The following MARS1 variants were observed in gnomAD, a reference collection of about 807,000 sequenced individuals.
MARS1 encodes the protein methionine--tRNA ligase, cytoplasmic.
MARS1 carries 80 observed loss-of-function variants against 119.5 expected under a neutral mutation model. The observed-to-expected ratio is 0.67, with a 90% CI of 0.56 to 0.81. The LOEUF (loss-of-function observed/expected upper bound fraction) is 0.81. Ranked by LOEUF, MARS1 falls within the 30% of genes least tolerant of loss-of-function variation. MARS1 has a pLI of 0.00. For synonymous variants in MARS1, 418 were observed against 433.4 expected, an observed-to-expected ratio of 0.96 and a Z score of 0.44; for missense variants, 945 against 1,116.5, an observed-to-expected ratio of 0.85 and a Z score of 2.19.
At position 57,493,427 on chromosome 12, in the gene MARS1, T is replaced by C. The variant is rs1441402073; in HGVS notation, c.770+2783T>C. On this transcript the variant is annotated intron_variant, in intron 7 of 20. Coordinates refer to ENST00000262027, the MANE Select transcript of MARS1 (RefSeq NM_004990.4). ...ATGTTATATAATATATTATATGATA[T>C]GTATAATATATTACATAATATATAA... is the stretch of plus-strand genomic sequence containing the variant. 4.1e-4 allele frequency among the ~76,000 whole-genome samples: 3 copies of C among 7,268 alleles called. 1 individual carries two copies. The highest frequency in any genetic ancestry group is 1.5e-3 in the Non-Finnish European group (3 of 2,022). 4.8% of individuals were successfully genotyped at this position (7,268 alleles called of 152,430 possible).
At chr12:57,508,019 G>T (rs889526876) in intron 11 of MARS1, among the ~76,000 whole-genome samples, 3 of 152,080 alleles carry the variant, frequency 2.0e-5, no homozygotes, top group South Asian at 2.1e-4. Context: ...TTACATCCCA[G>T]AAAGGGCGGC....
intron 7 of MARS1, among the ~76,000 whole-genome samples, chr12:57,495,764 C>G (rs1876590344): frequency 6.6e-6 from 1 of 152,176 alleles, no homozygotes; most frequent in Non-Finnish European, 1.5e-5. Context: ...CTCAGGAGGC[C>G]CAGGCGGGCA....
At chr12:57,510,266 G>C (rs367584793) in intron 11 of MARS1, among the ~76,000 whole-genome samples, 3 of 152,174 alleles carry the variant, frequency 2.0e-5, no homozygotes, top group African/African-American at 7.2e-5. Flanking sequence ...GAGGTCAATA[G>C]ACCGAGACCA....
At chr12:57,493,318 A>AAT (rs1223012688) in intron 7 of MARS1, among the ~76,000 whole-genome samples, 2 of 101,958 alleles carry the variant, frequency 2.0e-5, no homozygotes, top group Admixed American at 1.6e-4. Flanking sequence ...TATATTATAT[A>AAT]ATATATTATA....
In MARS1 at chr12:57,488,539, C is replaced by T. The variant is rs1875646102; in HGVS notation, c.109+340C>T. On this transcript the variant is annotated intron_variant, in intron 1 of 20. Transcript: ENST00000262027. ...CTTTAGTTACTAGCATGACAGCCCC[C>T]AGGCACCCTTTTGTGTTCTTAGGAA... The T allele has an allele frequency of 2.9e-5, 44 of 1,538,506 alleles. 1 individual carries two copies. In the South Asian group the frequency reaches 4.7e-4, roughly 16 times the overall value.
chr12:57,513,762 A>T (rs1157030321), intron 15 of MARS1, among the ~76,000 whole-genome samples: 1 of 151,562 alleles, frequency 6.6e-6, no homozygotes, highest in African/African-American at 2.4e-5. Flanking sequence ...CTTTAGTCAC[A>T]CTCTCTGAGC....
chr12:57,493,324 TTA>T (rs1193429159), intron 7 of MARS1, among the ~76,000 whole-genome samples: 1 of 98,480 alleles, frequency 1.0e-5, no homozygotes, highest in Non-Finnish European at 1.8e-5. Context: ...ATATAATATA[TTA>T]TATATAATAT....
At position 57,498,214 on chromosome 12, in the gene MARS1, C is replaced by T; in HGVS notation, c.828C>T (p.Asn276=). The change falls in exon 8 of 21, where the codon AAC becomes AAT. Residue 276 remains asparagine (N), a synonymous_variant. Coordinates refer to ENST00000262027, the MANE Select transcript of MARS1 (RefSeq NM_004990.4). ...TCACCAGTGCCCTCCCTTACGTCAA[C>T]AATGTCCCCCACCTTGGGAACATCA... ...VLITSALPYV[N]NVPHLGNIIG... 6.2e-7 allele frequency: 1 copy of T among 1,614,224 alleles called. No individual in the cohort carries two copies. Among genetic ancestry groups the T allele is most frequent in the South Asian group, 1.1e-5 (1 of 91,088 alleles).
Position 57,489,425 on chromosome 12 carries a change from C to T in MARS1, c.281C>T (p.Pro94Leu), listed in dbSNP as rs1237609515. 14 of 1,614,168 alleles carry T rather than the reference C, an allele frequency of 8.7e-6. No homozygotes were observed. The highest frequency in any genetic ancestry group is 2.2e-5 in the East Asian group (1 of 44,888). The change falls in exon 4 of 21, where the codon CCA becomes CTA. Residue 94 changes from proline (P) to leucine (L), a missense_variant and splice_region_variant. Coordinates refer to ENST00000262027, the MANE Select transcript of MARS1 (RefSeq NM_004990.4). ...WLEWEATELQ[P>L]ALSAALYYLV... ...TGACTCATGTCCCCTGCATTTTAGC[C>T]AGCTTTGTCTGCTGCCCTGTACTAT...
intron 10 of MARS1, among the ~76,000 whole-genome samples, chr12:57,501,103 C>T (rs1246889181): frequency 2.0e-5 from 3 of 152,124 alleles, no homozygotes; most frequent in Non-Finnish European, 4.4e-5. Context: ...AGAGTTTAAC[C>T]AAAGAATTAG....
chr12:57,507,696 C>T (rs1242416984), intron 11 of MARS1, among the ~76,000 whole-genome samples: 1 of 109,640 alleles, frequency 9.1e-6, no homozygotes, highest in African/African-American at 3.2e-5. Context: ...GACGGCTGGC[C>T]GGGCGGGGGT....
At position 57,516,545 on chromosome 12, in the gene MARS1, AC is replaced by A; in HGVS notation, c.2672del (p.Pro891LeufsTer23). ...AACAGTTGGCTGTAGCTGAGGGGAA[AC>A]CCCCTGAAGCCCCTAAAGGCAAGAA... is the stretch of plus-strand genomic sequence containing the variant. ...KKQLAVAEGK[P>X]PEAPKGKKKK On this transcript the variant is annotated frameshift_variant, in exon 21 of 21. Coordinates refer to ENST00000262027, the MANE Select transcript of MARS1 (RefSeq NM_004990.4). LOFTEE classifies it high-confidence loss of function. The A allele has an allele frequency of 6.2e-7, 1 of 1,605,626 alleles. No individual in the cohort carries two copies. Among genetic ancestry groups the A allele is most frequent in the Non-Finnish European group, 8.5e-7 (1 of 1,177,548 alleles).
At chr12:57,496,483 C>A (rs2140014716) in intron 7 of MARS1, among the ~76,000 whole-genome samples, 1 of 151,814 alleles carries the variant, frequency 6.6e-6, no homozygotes, top group East Asian at 2.0e-4. Flanking sequence ...ACTTTCAAGG[C>A]TCATATAGAA....
At chr12:57,494,203 G>T (rs1460722619) in intron 7 of MARS1, among the ~76,000 whole-genome samples, 1 of 150,984 alleles carries the variant, frequency 6.6e-6, no homozygotes, top group Non-Finnish European at 1.5e-5. Flanking sequence ...GGATCCACCT[G>T]CCTCGGCCTC....
intron 7 of MARS1, among the ~76,000 whole-genome samples, chr12:57,495,205 C>G (rs1487049345): frequency 6.7e-6 from 1 of 149,660 alleles, no homozygotes; most frequent in Admixed American, 6.6e-5. Context: ...GGGCGGCTGG[C>G]CAGGCGGGCG....
At chr12:57,508,688 G>GGTAGAC (rs1209618681) in intron 11 of MARS1, among the ~76,000 whole-genome samples, 1 of 53,184 alleles carries the variant, frequency 1.9e-5, no homozygotes, top group African/African-American at 5.2e-5. Flanking sequence ...GAGAGGTAGA[G>GGTAGAC]GTAGAGGTAG....
rs1876225805 is a variant in MARS1, at chr12:57,493,554, A to ATT, written c.770+2910_770+2911insTT. On this transcript the variant is annotated intron_variant, in intron 7 of 20. Transcript: ENST00000262027. ...TAATATATAATATATTATAATATAT[A>ATT]ATATATAATATATTATAATATATAA... Among the ~76,000 whole-genome samples, 4 of 6,148 alleles carry ATT rather than the reference A, an allele frequency of 6.5e-4. 1 individual carries two copies. Among genetic ancestry groups the ATT allele is most frequent in the South Asian group, 6.0e-3 (1 of 166 alleles). 4.0% of individuals were successfully genotyped at this position (6,148 alleles called of 152,430 possible). A position where few individuals can be genotyped will look rare whatever the true frequency, so the allele number is the denominator to read the frequency against.
At chr12:57,495,329 C>T (rs1392610961) in intron 7 of MARS1, among the ~76,000 whole-genome samples, 4 of 148,850 alleles carry the variant, frequency 2.7e-5, no homozygotes, top group East Asian at 2.1e-4. Flanking sequence ...GATGGGGTGG[C>T]GGTCGGGCAG....
intron 7 of MARS1, among the ~76,000 whole-genome samples, chr12:57,493,213 A>G (rs1876079747): frequency 6.9e-6 from 1 of 144,138 alleles, no homozygotes; most frequent in African/African-American, 2.6e-5. Flanking sequence ...TTGCTAGCAC[A>G]GGGCCAAATG....
Sources: gnomAD v4.1 joint callset for allele counts (sites outside exome capture counted in the v4.1 genomes callset) on GRCh38, gnomAD v4.1.1 for gene constraint, MANE v1.5 for transcripts, NCBI Gene and HGNC (gene_info 2026-07-23, HGNC 2026-07-21) for gene names.